The following VPS53 variants were observed in gnomAD, a reference collection of about 807,000 sequenced individuals.
VPS53 encodes the protein VPS53 subunit of GARP complex.
In VPS53, 70 loss-of-function variants were observed where a neutral mutation model predicts 107.0. That is an observed-to-expected ratio of 0.65 (90% CI 0.54 to 0.80). The LOEUF is 0.80. Among genes scored for constraint, VPS53 ranks in the 30% least tolerant of loss-of-function variants. VPS53 has a pLI of 0.00. For synonymous variants in VPS53, 409 were observed against 393.3 expected (o/e 1.04, Z -0.47); for missense variants, 917 against 1,049.4 (o/e 0.87, Z 1.74).
intron 4 of VPS53, among the ~76,000 whole-genome samples, chr17:682,700 C>T (rs563854110): frequency 6.6e-6 from 1 of 151,998 alleles, no homozygotes; most frequent in South Asian, 2.1e-4. Context: ...CTCTTCTACA[C>T]AAAATGCCTG....
chr17:579,170 G>A, intron 13 of VPS53, among the ~76,000 whole-genome samples: 1 of 145,188 alleles, frequency 6.9e-6, no homozygotes, highest in East Asian at 2.1e-4. Flanking sequence ...AGAACCTAAT[G>A]CGTTCCCAGA....
chr17:621,760 G>A (rs62056502), intron 11 of VPS53, among the ~76,000 whole-genome samples: 11,823 of 152,096 alleles, frequency 0.078, 577 homozygotes, highest in Non-Finnish European at 0.11. Context: ...GATATTAATC[G>A]TTTGTGTCAT....
In VPS53 at chr17:714,665, G is replaced by C; in HGVS notation, c.45C>G (p.Ala15=). 1 of 1,612,934 alleles carries C rather than the reference G, an allele frequency of 6.2e-7. No individual in the cohort carries two copies. Among genetic ancestry groups the C allele is most frequent in the Non-Finnish European group, 8.5e-7 (1 of 1,179,514 alleles). The change falls in exon 1 of 22, where the codon GCC becomes GCG. Residue 15 remains alanine (A), a synonymous_variant. Transcript: ENST00000437048. The part of the protein sequence containing the change: ...EELEFVEELE[A]VLQLTPEVQL... ...GCACCTCGGGCGTGAGCTGCAGCAC[G>C]GCTTCCAGCTCCTCCACGAACTCCA...
At chr17:574,963 A>G (rs1914475906) in intron 13 of VPS53, among the ~76,000 whole-genome samples, 1 of 152,170 alleles carries the variant, frequency 6.6e-6, no homozygotes, top group Admixed American at 6.5e-5. Context: ...CCTGGAGGCA[A>G]ACTGTGAATG....
intron 4 of VPS53, among the ~76,000 whole-genome samples, chr17:686,000 C>A (rs1972571665): frequency 6.6e-6 from 1 of 150,830 alleles, no homozygotes; most frequent in Non-Finnish European, 1.5e-5. Flanking sequence ...GAGCGAGACC[C>A]TGTCTCTAAA....
At chr17:669,211 A>C (rs1971829210) in intron 4 of VPS53, among the ~76,000 whole-genome samples, 1 of 152,206 alleles carries the variant, frequency 6.6e-6, no homozygotes, top group Non-Finnish European at 1.5e-5. Flanking sequence ...TTTTTTTAAG[A>C]AACACAAAAA....
intron 1 of VPS53, among the ~76,000 whole-genome samples, chr17:712,544 A>G (rs1255135546): frequency 1.3e-5 from 2 of 152,038 alleles, no homozygotes; most frequent in East Asian, 3.9e-4. Context: ...CATTTTATCA[A>G]CCCTTCCTGA....
At chr17:662,771 AAGAGAAAGAAAGAAAAAAAGAAAG>A (rs1971501486) in intron 4 of VPS53, among the ~76,000 whole-genome samples, 1 of 86,270 alleles carries the variant, frequency 1.2e-5, no homozygotes, top group Non-Finnish European at 2.6e-5. Flanking sequence ...GAAAGAAAGA[AAGAGAAAGAAAGAAAAAAAGAAAG>A]AGAAAGAAAG....
intron 14 of VPS53, among the ~76,000 whole-genome samples, chr17:562,093 C>A (rs8080776): frequency 6.6e-6 from 1 of 152,164 alleles, no homozygotes; most frequent in African/African-American, 2.4e-5. Context: ...AAAGCAGATT[C>A]ATTCCTCCAA....
At chr17:692,225 G>A (rs961242682) in intron 4 of VPS53, among the ~76,000 whole-genome samples, 12 of 151,912 alleles carry the variant, frequency 7.9e-5, no homozygotes, top group South Asian at 4.2e-4. Flanking sequence ...TTTCACCTAC[G>A]TTCAAGCCAT....
At chr17:694,488 A>G (rs1054758076) in intron 4 of VPS53, among the ~76,000 whole-genome samples, 2 of 152,192 alleles carry the variant, frequency 1.3e-5, no homozygotes, top group African/African-American at 4.8e-5. Flanking sequence ...CTATTTTCAC[A>G]TTCTTGAAAT....
intron 12 of VPS53, among the ~76,000 whole-genome samples, chr17:598,385 C>T (rs1453088832): frequency 2.0e-5 from 3 of 151,880 alleles, no homozygotes; most frequent in South Asian, 2.1e-4. Flanking sequence ...GCCACCACCC[C>T]GTCTGGGAAG....
At chr17:685,951 G>A (rs1269270067) in intron 4 of VPS53, among the ~76,000 whole-genome samples, 1 of 151,834 alleles carries the variant, frequency 6.6e-6, no homozygotes, top group African/African-American at 2.4e-5. Context: ...GTTTGAGACA[G>A]TGAGCTATGC....
At chr17:672,152 A>ACAAT (rs1555578480) in intron 4 of VPS53, among the ~76,000 whole-genome samples, 1 of 118,790 alleles carries the variant, frequency 8.4e-6, no homozygotes, top group Non-Finnish European at 1.8e-5. Flanking sequence ...ACACACACAC[A>ACAAT]ATCTCTCTCT....
chr17:631,240 A>G (rs934637642), intron 8 of VPS53, among the ~76,000 whole-genome samples: 2 of 150,330 alleles, frequency 1.3e-5, no homozygotes, highest in African/African-American at 2.5e-5. Flanking sequence ...CGGCATGAAG[A>G]TTTCTTTTAA....
intron 4 of VPS53, among the ~76,000 whole-genome samples, chr17:694,244 A>G (rs1597495827): frequency 1.3e-5 from 2 of 152,316 alleles, no homozygotes; most frequent in East Asian, 3.8e-4. Context: ...ACATTCTTGA[A>G]AATGTGGTCT....
rs79608339 is a variant in VPS53 at position 525,620 on chromosome 17, G to C, written c.2086-3882C>G. Among the ~76,000 whole-genome samples the C allele has an allele frequency of 3.8e-3, 581 of 152,104 alleles. 14 individuals are homozygous for C. In the East Asian group the frequency reaches 0.068, roughly 18 times the overall value. On this transcript the variant is annotated intron_variant, in intron 19 of 21. Transcript: ENST00000437048. ...GAGGTGGGAAGATGGCTTAAGCCCA[G>C]GAATTCCAGGTTGCAGTGAGCTATG...
intron 19 of VPS53, among the ~76,000 whole-genome samples, chr17:531,125 C>G (rs144972517): frequency 2.2e-3 from 333 of 152,324 alleles, no homozygotes; most frequent in African/African-American, 7.6e-3. Context: ...TGAGTGAACA[C>G]GCCTGCAGCT....
intron 7 of VPS53, among the ~76,000 whole-genome samples, chr17:645,355 T>C (rs1239454579): frequency 6.6e-6 from 1 of 152,232 alleles, no homozygotes; most frequent in African/African-American, 2.4e-5. Flanking sequence ...ATTGAGTTGT[T>C]TGGCTTTTTG....
Sources: allele counts gnomAD v4.1 joint callset (sites outside exome capture counted in the v4.1 genomes callset), GRCh38; gene constraint gnomAD v4.1.1; transcripts MANE v1.5; gene names NCBI Gene and HGNC (gene_info 2026-07-23, HGNC 2026-07-21).